TSHZ2: variants seen among roughly 807,000 people sequenced by gnomAD.
TSHZ2 encodes teashirt homolog 2.
Under a neutral mutation model 74.4 loss-of-function variants are expected in TSHZ2, and 21 were observed. The ratio of observed to expected loss-of-function variants is 0.28; its 90% confidence interval spans 0.20 to 0.41. The LOEUF (loss-of-function observed/expected upper bound fraction) is 0.41. Ranked by LOEUF, TSHZ2 falls within the 10% of genes least tolerant of loss-of-function variation. TSHZ2 has a pLI of 1.00. For missense variants in TSHZ2, 1,244 were observed against 1,293.5 expected (o/e 0.96, Z 0.59); for synonymous variants, 540 against 515.3 (o/e 1.05, Z -0.65).
chr20:53,123,614 A>C (rs1031396580), intron 1 of TSHZ2, among the ~76,000 whole-genome samples: 1 of 152,176 alleles, frequency 6.6e-6, no homozygotes, highest in African/African-American at 2.4e-5. Flanking sequence ...TTTGCATCAC[A>C]CTTGCTAACA....
At chr20:53,309,800 C>T (rs533162226) in intron 2 of TSHZ2, among the ~76,000 whole-genome samples, 4 of 152,310 alleles carry the variant, frequency 2.6e-5, no homozygotes, top group African/African-American at 9.6e-5. Context: ...AGTAGGAACC[C>T]TTCTGACTTG....
At chr20:53,120,621 C>T (rs1319612311) in intron 1 of TSHZ2, among the ~76,000 whole-genome samples, 4 of 152,138 alleles carry the variant, frequency 2.6e-5, no homozygotes, top group Non-Finnish European at 4.4e-5. Context: ...GTGGAAATTA[C>T]ACCCTGTAAC....
chr20:53,157,281 T>TC (rs1987817624), intron 1 of TSHZ2, among the ~76,000 whole-genome samples: 1 of 119,510 alleles, frequency 8.4e-6, no homozygotes, highest in Non-Finnish European at 1.6e-5. Flanking sequence ...GATTCTACCT[T>TC]TTATCAGTGT....
At chr20:53,207,472 T>C (rs1001844433) in intron 1 of TSHZ2, among the ~76,000 whole-genome samples, 6 of 152,032 alleles carry the variant, frequency 3.9e-5, no homozygotes, top group African/African-American at 1.4e-4. Flanking sequence ...AGGAGGTCAG[T>C]AGAGAGGAGA....
chr20:53,148,577 A>G (rs567803912), intron 1 of TSHZ2, among the ~76,000 whole-genome samples: 88 of 152,316 alleles, frequency 5.8e-4, no homozygotes, highest in African/African-American at 2.1e-3. Flanking sequence ...TCAGGACCCC[A>G]AGTGGATCTA....
Position 53,255,606 on chromosome 20 carries a change from T to C in TSHZ2, c.2148T>C (p.Pro716=). Reference sequence around the variant, plus strand: ...AAGCCACGGAGCCCTTGCGCTCACCTTCCTGCTCCAGCCCAAGTTCAAGCA... The same window carrying C: ...AAGCCACGGAGCCCTTGCGCTCACCCTCCTGCTCCAGCCCAAGTTCAAGCA... ...LGKATEPLRS[P]SCSSPSSSTI... The change falls in exon 2 of 3, where the codon CCT becomes CCC. Residue 716 remains proline, a synonymous_variant. Transcript: ENST00000371497. The surrounding 1 kb of genome is among the most constrained non-coding windows in gnomAD (Gnocchi z 4.1). The C allele has an allele frequency of 6.3e-7, 1 of 1,584,712 alleles. No individual in the cohort carries two copies.
At chr20:52,999,884 T>C (rs1371717612) in intron 1 of TSHZ2, among the ~76,000 whole-genome samples, 1 of 151,876 alleles carries the variant, frequency 6.6e-6, no homozygotes, top group Non-Finnish European at 1.5e-5. Flanking sequence ...ACTGAGTGCC[T>C]ACTGTGTGCC....
At chr20:53,466,608 A>C (rs1339860774) in intron 2 of TSHZ2, among the ~76,000 whole-genome samples, 1 of 152,224 alleles carries the variant, frequency 6.6e-6, no homozygotes, top group Non-Finnish European at 1.5e-5. Context: ...GGCTCAATAA[A>C]AATGGGTACA....
intron 1 of TSHZ2, among the ~76,000 whole-genome samples, chr20:53,200,895 G>T (rs868201143): frequency 2.4e-4 from 36 of 152,280 alleles, no homozygotes; most frequent in Middle Eastern, 3.4e-3. Flanking sequence ...GGGAACAATG[G>T]TTGGAGGTTT....
chr20:52,998,477 C>A (rs563298818), intron 1 of TSHZ2, among the ~76,000 whole-genome samples: 8 of 152,238 alleles, frequency 5.3e-5, no homozygotes, highest in Admixed American at 2.0e-4. Context: ...CAAAGCTCTG[C>A]CCTCTTCTTG....
At chr20:53,122,576 T>C (rs1986841537) in intron 1 of TSHZ2, among the ~76,000 whole-genome samples, 1 of 152,084 alleles carries the variant, frequency 6.6e-6, no homozygotes. Flanking sequence ...CCAAGGTGTT[T>C]GGAGGGAAGA....
chr20:53,091,024 A>G (rs1985869913), intron 1 of TSHZ2, among the ~76,000 whole-genome samples: 1 of 152,192 alleles, frequency 6.6e-6, no homozygotes, highest in African/African-American at 2.4e-5. Flanking sequence ...GTTTTGGAGG[A>G]TGGGTGAAAC....
rs201499440 is a variant in TSHZ2 at position 53,253,429 on chromosome 20, C to T, written c.41-70C>T. 6,992 of 1,517,894 alleles carry T rather than the reference C, an allele frequency of 4.6e-3. 18 individuals carry two copies. The highest frequency in any genetic ancestry group is 7.2e-3 in the Admixed American group (336 of 46,708). The allele number at this position is 1,517,894 out of a possible 1,614,324, so 94.0% of individuals were successfully genotyped here. ...CAGTTCGGCATGGGAAGCACTTAGT[C>T]TATGTGAGGAAATTGGAATGGAATA... On this transcript the variant is annotated intron_variant, in intron 1 of 2. Coordinates refer to ENST00000371497, the MANE Select transcript of TSHZ2 (RefSeq NM_173485.6).
intron 2 of TSHZ2, among the ~76,000 whole-genome samples, chr20:53,299,455 T>C (rs146144658): frequency 6.6e-6 from 1 of 152,352 alleles, no homozygotes; most frequent in Non-Finnish European, 1.5e-5. Context: ...CATTTATAAA[T>C]GTGTACTTTT....
At chr20:53,018,322 T>C (rs1013588971) in intron 1 of TSHZ2, among the ~76,000 whole-genome samples, 2 of 152,178 alleles carry the variant, frequency 1.3e-5, no homozygotes, top group Non-Finnish European at 2.9e-5. Context: ...TAGACCACCT[T>C]ATGTCATATA....
chr20:53,354,589 T>G (rs1464540651), intron 2 of TSHZ2, among the ~76,000 whole-genome samples: 13 of 152,198 alleles, frequency 8.5e-5, no homozygotes, highest in Admixed American at 6.5e-4. Flanking sequence ...AAGGGTCACT[T>G]AACAAACATG....
chr20:53,034,752 G>C (rs1370940196), intron 1 of TSHZ2, among the ~76,000 whole-genome samples: 2 of 152,128 alleles, frequency 1.3e-5, no homozygotes, highest in South Asian at 2.1e-4. Context: ...TTTGCTCCAG[G>C]GTTCTTTTCA....
At chr20:53,092,991 A>T (rs1189248960) in intron 1 of TSHZ2, among the ~76,000 whole-genome samples, 1 of 152,186 alleles carries the variant, frequency 6.6e-6, no homozygotes, top group African/African-American at 2.4e-5. Flanking sequence ...GGTGAGCCGG[A>T]TATGGCCCTG....
chr20:53,396,706 G>C (rs1393241084), intron 2 of TSHZ2, among the ~76,000 whole-genome samples: 1 of 151,976 alleles, frequency 6.6e-6, no homozygotes, highest in Non-Finnish European at 1.5e-5. Flanking sequence ...AATCAGCCAG[G>C]TATAGTGGCT....
Sources: allele counts gnomAD v4.1 joint callset (sites outside exome capture counted in the v4.1 genomes callset), GRCh38; gene constraint gnomAD v4.1.1; non-coding constraint Gnocchi (gnomAD v3.1); transcripts MANE v1.5; gene names NCBI Gene and HGNC (gene_info 2026-07-23, HGNC 2026-07-21).